The following STK17A variants were observed in gnomAD, a reference collection of about 807,000 sequenced individuals.
STK17A encodes serine/threonine-protein kinase 17A.
STK17A carries 26 observed loss-of-function variants against 43.7 expected under a neutral mutation model. The ratio of observed to expected loss-of-function variants is 0.60; its 90% CI spans 0.44 to 0.83. The LOEUF (loss-of-function observed/expected upper bound fraction) is 0.83, where lower values mean the gene tolerates loss of function less well. Ranked by LOEUF, STK17A falls within the 40% of genes least tolerant of loss-of-function variation. STK17A has a pLI of 0.00. For missense variants in STK17A, 476 were observed against 511.6 expected (o/e 0.93, Z 0.67); for synonymous variants, 191 against 182.5 (o/e 1.05, Z -0.38).
intron 1 of STK17A, among the ~76,000 whole-genome samples, chr7:43,594,027 T>C (rs559005374): frequency 6.6e-6 from 1 of 152,308 alleles, no homozygotes; most frequent in Non-Finnish European, 1.5e-5. Context: ...TGTAATGCTT[T>C]GATCGATTAT....
At chr7:43,594,607 G>A (rs761096592) in intron 1 of STK17A, among the ~76,000 whole-genome samples, 3 of 152,018 alleles carry the variant, frequency 2.0e-5, no homozygotes, top group Non-Finnish European at 4.4e-5. Context: ...GGATGTTTAC[G>A]GGTGATGACT....
intron 1 of STK17A, among the ~76,000 whole-genome samples, chr7:43,591,185 A>G (rs1001658763): frequency 4.0e-5 from 6 of 151,710 alleles, no homozygotes; most frequent in African/African-American, 1.4e-4. Flanking sequence ...TCAGCATAGG[A>G]TAGAGCAGGG....
At position 43,625,841 on chromosome 7, in the gene STK17A, GAA is replaced by G. The variant is rs1254431188; in HGVS notation, c.*1002_*1003del. On this transcript the variant is annotated 3_prime_UTR_variant, in exon 7 of 7. Transcript: ENST00000319357. ...CTTATCAGCCCTCAAGCTATGCTAG[GAA>G]AAGTTATAAAATGCCAAAATATTTA... The G allele has an allele frequency of 1.3e-5, 2 of 152,030 alleles. No homozygotes were observed. The highest frequency in any genetic ancestry group is 4.8e-5 in the African/African-American group (2 of 41,452). 9.4% of individuals were successfully genotyped at this position (152,030 alleles called of 1,614,324 possible).
intron 2 of STK17A, among the ~76,000 whole-genome samples, chr7:43,600,606 A>G (rs1334250463): frequency 6.6e-6 from 1 of 152,226 alleles, no homozygotes; most frequent in Non-Finnish European, 1.5e-5. Context: ...ATTTCCACCT[A>G]TCAAACTGGC....
At chr7:43,624,110 A>C (rs1198561255) in intron 6 of STK17A, among the ~76,000 whole-genome samples, 2 of 152,206 alleles carry the variant, frequency 1.3e-5, no homozygotes, top group Non-Finnish European at 2.9e-5. Flanking sequence ...ATTTTGAGAA[A>C]ATGTGAACCA....
chr7:43,624,673 C>G lies in STK17A; in HGVS notation c.1076C>G (p.Ser359Ter). 1 of 1,614,068 alleles carries G rather than the reference C, an allele frequency of 6.2e-7. No individual in the cohort carries two copies. Among genetic ancestry groups the G allele is most frequent in the Non-Finnish European group, 8.5e-7 (1 of 1,179,998 alleles). Residue 359 changes from serine (S) to a stop codon, truncating the protein, a stop_gained, in exon 7 of 7, where the codon TCA becomes TGA. Transcript: ENST00000319357. LOFTEE classifies it high-confidence loss of function. The part of the protein sequence containing the change: ...VPEINSDTDK[S>*]ETKESIVTEE... ...GAAATTAATTCGGATACCGACAAATCAGAAACCAAGGAATCCATTGTAACC... is the reference window on the plus strand; with the variant it reads ...GAAATTAATTCGGATACCGACAAATGAGAAACCAAGGAATCCATTGTAACC...
At chr7:43,589,413 T>C (rs2082464526) in intron 1 of STK17A, among the ~76,000 whole-genome samples, 1 of 151,526 alleles carries the variant, frequency 6.6e-6, no homozygotes, top group Non-Finnish European at 1.5e-5. Context: ...TTCCCCTTTG[T>C]ACTGCTCAAA....
intron 1 of STK17A, among the ~76,000 whole-genome samples, chr7:43,592,468 A>G (rs904835705): frequency 2.1e-5 from 3 of 143,932 alleles, no homozygotes; most frequent in Non-Finnish European, 4.8e-5. Context: ...TGAAAATTAT[A>G]TTTGCAGTTA....
At chr7:43,593,424 C>T (rs2082492861) in intron 1 of STK17A, among the ~76,000 whole-genome samples, 1 of 152,194 alleles carries the variant, frequency 6.6e-6, no homozygotes, top group Non-Finnish European at 1.5e-5. Flanking sequence ...AATGGGATAG[C>T]CAAGTCAAAT....
At chr7:43,595,468 A>G (rs978250109) in intron 1 of STK17A, among the ~76,000 whole-genome samples, 1 of 151,996 alleles carries the variant, frequency 6.6e-6, no homozygotes, top group Non-Finnish European at 1.5e-5. Flanking sequence ...TAGTAGAGAC[A>G]GGGTTTCGCC....
At position 43,603,563 on chromosome 7, in the gene STK17A, CTT is replaced by C. The variant is rs747364473; in HGVS notation, c.420-4691_420-4690del. The stretch of plus-strand genomic sequence containing the variant: ...AAATGAAATGTCCCAAAGTTTGAAA[CTT>C]TGAGCGCTAACCTGATGCCACAGTA... On this transcript the variant is annotated intron_variant, in intron 2 of 6. Coordinates refer to ENST00000319357, the MANE Select transcript of STK17A (RefSeq NM_004760.3). Among the ~76,000 whole-genome samples the C allele has an allele frequency of 5.3e-5, 8 of 152,280 alleles. No homozygotes were observed. The East Asian group carries it at 5.8e-4, about 11-fold the overall frequency.
chr7:43,604,882 CCT>C (rs954168483), intron 2 of STK17A, among the ~76,000 whole-genome samples: 6 of 151,466 alleles, frequency 4.0e-5, no homozygotes, highest in South Asian at 2.1e-4. Flanking sequence ...TTTTTCCCTC[CCT>C]CTCTCTCTCT....
intron 3 of STK17A, among the ~76,000 whole-genome samples, chr7:43,610,508 A>G (rs1463463048): frequency 6.6e-6 from 1 of 151,398 alleles, no homozygotes; most frequent in East Asian, 2.0e-4. Flanking sequence ...TCTACTAAAA[A>G]TACAAAAAAT....
chr7:43,619,180 A>T (rs2083618708), intron 3 of STK17A, among the ~76,000 whole-genome samples: 1 of 152,180 alleles, frequency 6.6e-6, no homozygotes, highest in East Asian at 1.9e-4. Context: ...TTGTGACCTT[A>T]ATGAAGGCAG....
chr7:43,603,845 T>A (rs1216389628), intron 2 of STK17A, among the ~76,000 whole-genome samples: 1 of 152,226 alleles, frequency 6.6e-6, no homozygotes, highest in Admixed American at 6.5e-5. Context: ...TTGTATAAAA[T>A]TATCTTCAGG....
chr7:43,618,630 G>A (rs989749087), intron 3 of STK17A, among the ~76,000 whole-genome samples: 3 of 152,078 alleles, frequency 2.0e-5, no homozygotes, highest in Admixed American at 6.5e-5. Context: ...TTCAAATTTC[G>A]TGTTTTAAAA....
Position 43,624,641 on chromosome 7 carries a change from T to C in STK17A, c.1044T>C (p.Ser348=). ...EEANALQEGH[S]VPEINSDTDK... ...CAAATGCCCTCCAAGAAGGTCATTC[T>C]GTGCCTGAAATTAATTCGGATACCG... The change falls in exon 7 of 7, where the codon TCT becomes TCC. Residue 348 remains serine (S), a synonymous_variant. Coordinates refer to ENST00000319357, the MANE Select transcript of STK17A (RefSeq NM_004760.3). The C allele has an allele frequency of 6.2e-7, 1 of 1,614,130 alleles. No homozygotes were observed. The highest frequency in any genetic ancestry group is 8.5e-7 in the Non-Finnish European group (1 of 1,180,010).
chr7:43,594,233 G>A (rs2082499901), intron 1 of STK17A, among the ~76,000 whole-genome samples: 1 of 150,754 alleles, frequency 6.6e-6, no homozygotes, highest in African/African-American at 2.4e-5. Context: ...ACTCCAGCCT[G>A]GGCAACAGAG....
chr7:43,593,953 T>C (rs570142278), intron 1 of STK17A, among the ~76,000 whole-genome samples: 2 of 152,292 alleles, frequency 1.3e-5, no homozygotes, highest in Non-Finnish European at 2.9e-5. Context: ...TATGAAAACA[T>C]GTCAAGTTTT....
Sources: gnomAD v4.1 joint callset for allele counts (sites outside exome capture counted in the v4.1 genomes callset) on GRCh38, gnomAD v4.1.1 for gene constraint, MANE v1.5 for transcripts, NCBI Gene and HGNC (gene_info 2026-07-23, HGNC 2026-07-21) for gene names.